The following ANK2 variants were observed in gnomAD, a reference collection of about 807,000 sequenced individuals.
ANK2 encodes the protein ankyrin-2.
In ANK2, 83 loss-of-function variants were observed where a neutral mutation model predicts 360.5. The observed-to-expected ratio is 0.23, with a 90% CI of 0.19 to 0.28. The LOEUF (loss-of-function observed/expected upper bound fraction) is 0.28. Ranked by LOEUF, ANK2 falls within the 10% of genes least tolerant of loss-of-function variation. ANK2 has a pLI of 1.00. For missense variants in ANK2, 4,201 were observed against 4,795.7 expected (o/e 0.88, Z 3.66); for synonymous variants, 1,740 against 1,759.5 (o/e 0.99, Z 0.28).
At chr4:113,199,732 G>A (rs181206359) in intron 4 of ANK2, among the ~76,000 whole-genome samples, 1 of 151,868 alleles carries the variant, frequency 6.6e-6, no homozygotes, top group Non-Finnish European at 1.5e-5. Flanking sequence ...TATCATGTAC[G>A]CATGTGGGGA....
chr4:112,827,577 T>C, intron 1 of ANK2: 1 of 1,047,210 alleles, frequency 9.5e-7, no homozygotes, highest in Non-Finnish European at 1.5e-6. Context: ...TGAAATATTC[T>C]CGAGCTCTAT....
the ANK2 span, among the ~76,000 whole-genome samples, chr4:112,811,064 T>C: frequency 6.6e-6 from 1 of 151,594 alleles, no homozygotes; most frequent in African/African-American, 2.4e-5. Context: ...GCCTCCCGAG[T>C]AGCTGGAACT....
At chr4:112,810,319 T>C in the ANK2 span, among the ~76,000 whole-genome samples, 1 of 151,682 alleles carries the variant, frequency 6.6e-6, no homozygotes. Context: ...GATTTTTTTC[T>C]TAACTGAGCA....
chr4:113,057,787 A>G (rs1299602496), intron 1 of ANK2, among the ~76,000 whole-genome samples: 1 of 152,140 alleles, frequency 6.6e-6, no homozygotes, highest in Non-Finnish European at 1.5e-5. Context: ...CTTTACCTGA[A>G]AGAGATGCTG....
chr4:112,894,392 TTACA>T (rs1187526764), intron 1 of ANK2, among the ~76,000 whole-genome samples: 2 of 152,190 alleles, frequency 1.3e-5, no homozygotes, highest in Non-Finnish European at 2.9e-5. Flanking sequence ...GTATTTGGTG[TTACA>T]TACGGATATG....
the ANK2 span, among the ~76,000 whole-genome samples, chr4:112,758,127 C>G: frequency 3.3e-5 from 5 of 151,964 alleles, no homozygotes; most frequent in East Asian, 1.9e-4. Flanking sequence ...TCACTCAGGT[C>G]CCGACCTCAG....
At chr4:113,212,965 T>G (rs1181195721) in intron 4 of ANK2, among the ~76,000 whole-genome samples, 2 of 152,324 alleles carry the variant, frequency 1.3e-5, no homozygotes, top group South Asian at 4.1e-4. Context: ...TATATGAAAT[T>G]GCATTCACCT....
At chr4:113,045,934 A>G (rs1579915074), upstream of ANK2, among the ~76,000 whole-genome samples, 2 of 152,364 alleles carry the variant, frequency 1.3e-5, no homozygotes, top group South Asian at 2.1e-4. Flanking sequence ...GTATTTAAAA[A>G]TAGTTCCTAG....
At chr4:113,124,968 TA>T (rs1280376510) in intron 1 of ANK2, among the ~76,000 whole-genome samples, 9 of 151,574 alleles carry the variant, frequency 5.9e-5, no homozygotes, top group South Asian at 4.2e-4. Flanking sequence ...CCATCTCTTT[TA>T]AAAAAAAATC....
At chr4:113,064,519 C>T (rs2074853401) in intron 1 of ANK2, among the ~76,000 whole-genome samples, 1 of 152,136 alleles carries the variant, frequency 6.6e-6, no homozygotes, top group Admixed American at 6.5e-5. Flanking sequence ...ACAGAAATCC[C>T]CTTCCCTCCC....
intron 1 of ANK2, among the ~76,000 whole-genome samples, chr4:112,856,048 A>G (rs1490217906): frequency 6.6e-6 from 1 of 152,078 alleles, no homozygotes; most frequent in Non-Finnish European, 1.5e-5. Flanking sequence ...GCTCATTTCT[A>G]TTTGGACTCC....
At chr4:113,226,374 C>T (rs939329095) in intron 4 of ANK2, among the ~76,000 whole-genome samples, 3 of 152,124 alleles carry the variant, frequency 2.0e-5, no homozygotes, top group Non-Finnish European at 4.4e-5. Context: ...TGTAAGTTTC[C>T]GTATGTCCTG....
chr4:113,011,532 CAAGACA>C (rs773587828), intron 2 of ANK2, among the ~76,000 whole-genome samples: 8 of 152,014 alleles, frequency 5.3e-5, no homozygotes, highest in Non-Finnish European at 1.2e-4. Flanking sequence ...GAAAATGTGA[CAAGACA>C]AAAGAGCTTG....
At chr4:113,256,721 C>T (rs1353360780) in intron 11 of ANK2, among the ~76,000 whole-genome samples, 2 of 152,046 alleles carry the variant, frequency 1.3e-5, no homozygotes, top group African/African-American at 2.4e-5. Context: ...TAAAATTGGT[C>T]TTCAAACAAT....
the ANK2 span, among the ~76,000 whole-genome samples, chr4:112,810,108 A>T: frequency 7.1e-6 from 1 of 141,056 alleles, no homozygotes; most frequent in Non-Finnish European, 1.5e-5. Context: ...TAAAATAAAG[A>T]TATTTTAATT....
intron 2 of ANK2, among the ~76,000 whole-genome samples, chr4:112,947,665 A>G (rs145398874): frequency 6.6e-6 from 1 of 152,334 alleles, no homozygotes; most frequent in South Asian, 2.1e-4. Flanking sequence ...CAGGTGTTTC[A>G]CTAATAGCTG....
chr4:112,916,233 G>A lies in ANK2; in HGVS notation c.21+11719G>A, dbSNP rs1442853356. On this transcript the variant is annotated intron_variant, in intron 2 of 30. Transcript: ENST00000503271. ...CTGACATGGTTCTGATGAGGAAATGGGCTAATATTAAACCTAATAGTTTAT... is the reference window on the plus strand; with the variant it reads ...CTGACATGGTTCTGATGAGGAAATGAGCTAATATTAAACCTAATAGTTTAT... Among the ~76,000 whole-genome samples, 6 of 152,098 alleles carry A rather than the reference G, an allele frequency of 3.9e-5. 1 individual carries two copies. In the South Asian group the frequency reaches 8.3e-4, roughly 21 times the overall value.
At chr4:113,256,436 T>G (rs2049371698) in intron 11 of ANK2, among the ~76,000 whole-genome samples, 1 of 152,208 alleles carries the variant, frequency 6.6e-6, no homozygotes, top group Non-Finnish European at 1.5e-5. Flanking sequence ...AACCATAGGC[T>G]AATAGAAAAG....
rs1007194683 is a variant in ANK2, at chr4:113,166,550, A to G, written c.85-7866A>G. On this transcript the variant is annotated intron_variant, in intron 1 of 45. Transcript: ENST00000357077. ...ATCAAATAGTTATCAAAGATATTTC[A>G]TCAGAAATATCTTTTCTAGTTTGTG... 4.6e-5 allele frequency among the ~76,000 whole-genome samples: 7 copies of G among 152,016 alleles called. No individual in the cohort carries two copies. In the South Asian group the frequency reaches 6.2e-4, roughly 13 times the overall value.
Sources: allele counts gnomAD v4.1 joint callset (sites outside exome capture counted in the v4.1 genomes callset), GRCh38; gene constraint gnomAD v4.1.1; transcripts MANE v1.5; gene names NCBI Gene and HGNC (gene_info 2026-07-23, HGNC 2026-07-21).